RBFOX3: variants seen among roughly 807,000 people sequenced by gnomAD.
RBFOX3 encodes the protein RNA binding fox-1 homolog 3.
In RBFOX3, 17 loss-of-function variants were observed where a neutral mutation model predicts 48.7. That is an observed-to-expected ratio of 0.35 (90% CI 0.24 to 0.52). The LOEUF is 0.52. RBFOX3 is among the 20% of genes least tolerant of loss of function. The probability of loss-of-function intolerance (pLI) is 0.94; values close to 1 mark genes in which losing one functional copy is unlikely to be tolerated. For synonymous variants in RBFOX3, 212 were observed against 209.5 expected (o/e 1.01, Z -0.10); for missense variants, 382 against 497.5 (o/e 0.77, Z 2.21).
At chr17:79,225,781 T>G (rs1489108626) in intron 4 of RBFOX3, among the ~76,000 whole-genome samples, 1 of 152,240 alleles carries the variant, frequency 6.6e-6, no homozygotes, top group Non-Finnish European at 1.5e-5. Context: ...AGGTGCCAAC[T>G]GCAGGCTGGG....
At chr17:79,591,267 CAGAAGT>C (rs1444163678) in intron 1 of RBFOX3, among the ~76,000 whole-genome samples, 11 of 152,170 alleles carry the variant, frequency 7.2e-5, no homozygotes, top group Non-Finnish European at 1.6e-4. Context: ...GCCAAGGCTT[CAGAAGT>C]TACTGCTGGA....
intron 3 of RBFOX3, among the ~76,000 whole-genome samples, chr17:79,272,818 T>A (rs9897115): frequency 0.19 from 29,060 of 152,032 alleles, 2,923 homozygotes; most frequent in Non-Finnish European, 0.23. Context: ...AATCCTGCCC[T>A]CTTCCTCTCC....
chr17:79,289,163 G>A (rs909330603), intron 3 of RBFOX3, among the ~76,000 whole-genome samples: 2 of 152,186 alleles, frequency 1.3e-5, no homozygotes, highest in African/African-American at 4.8e-5. Context: ...GGGACACCAG[G>A]CCTCTCCAAT....
chr17:79,138,948 T>TGCACA (rs2041244289), intron 4 of RBFOX3, among the ~76,000 whole-genome samples: 2 of 31,936 alleles, frequency 6.3e-5, no homozygotes, highest in African/African-American at 2.3e-4. Context: ...CACACCCCCC[T>TGCACA]CAGCCCCACA....
chr17:79,545,589 C>CT (rs2090316175), intron 1 of RBFOX3, among the ~76,000 whole-genome samples: 1 of 152,160 alleles, frequency 6.6e-6, no homozygotes, highest in South Asian at 2.1e-4. Flanking sequence ...TCCAGGCAGC[C>CT]GATTGGTTCA....
chr17:79,407,157 G>A lies in RBFOX3; in HGVS notation c.-175+75297C>T, dbSNP rs550988535. On this transcript the variant is annotated intron_variant, in intron 2 of 14. Transcript: ENST00000693108. ...CAAGTAGCTGGGACTACAGGCACCC[G>A]CCGCCATGCCCGGCAATTTTTTGTA... 5.3e-5 allele frequency among the ~76,000 whole-genome samples: 8 copies of A among 152,326 alleles called. No homozygotes were observed. In the South Asian group the frequency reaches 1.2e-3, roughly 24 times the overall value.
In RBFOX3 at chr17:79,453,969, G is replaced by A. The variant is rs114677666; in HGVS notation, c.-175+28485C>T. On this transcript the variant is annotated intron_variant, in intron 2 of 14. Transcript: ENST00000693108. Reference sequence around the variant, plus strand: ...TGGACAGCAGGCCATGACCTGGGGCGGTGCTAGGTGCCATGTGCCCCCCAT... The same window carrying A: ...TGGACAGCAGGCCATGACCTGGGGCAGTGCTAGGTGCCATGTGCCCCCCAT... Among the ~76,000 whole-genome samples, 545 of 152,266 alleles carry A rather than the reference G, an allele frequency of 3.6e-3. 4 individuals are homozygous for A. The highest frequency in any genetic ancestry group is 0.013 in the African/African-American group (520 of 41,540).
At chr17:79,395,469 C>T (rs1041550512) in intron 2 of RBFOX3, among the ~76,000 whole-genome samples, 9 of 152,238 alleles carry the variant, frequency 5.9e-5, no homozygotes, top group Admixed American at 2.6e-4. Context: ...AGGTGACCCT[C>T]ACTGAGGCCA....
chr17:79,574,521 G>A (rs2092792040), intron 1 of RBFOX3, among the ~76,000 whole-genome samples: 1 of 152,178 alleles, frequency 6.6e-6, no homozygotes, highest in African/African-American at 2.4e-5. Flanking sequence ...AGCAACATCA[G>A]GAAGTTACCT....
At chr17:79,193,772 C>T (rs1300026812) in intron 4 of RBFOX3, among the ~76,000 whole-genome samples, 2 of 152,148 alleles carry the variant, frequency 1.3e-5, no homozygotes, top group Non-Finnish European at 2.9e-5. Context: ...GTCAATGGAG[C>T]CTTGAGTAGG....
the RBFOX3 span, among the ~76,000 whole-genome samples, chr17:79,662,883 G>T: frequency 1.3e-5 from 2 of 152,152 alleles, no homozygotes; most frequent in Admixed American, 1.3e-4. Context: ...CAATCCAGCC[G>T]GCTGTTCACT....
intron 2 of RBFOX3, among the ~76,000 whole-genome samples, chr17:79,396,582 T>C (rs929734620): frequency 1.3e-5 from 2 of 151,866 alleles, no homozygotes; most frequent in African/African-American, 4.8e-5. Flanking sequence ...ATGCCCACCC[T>C]GCTCTCTAAG....
intron 4 of RBFOX3, among the ~76,000 whole-genome samples, chr17:79,189,368 C>A (rs567698778): frequency 6.6e-6 from 1 of 152,176 alleles, no homozygotes; most frequent in African/African-American, 2.4e-5. Context: ...TTTATGGGAG[C>A]CCTTTTCTTC....
intron 2 of RBFOX3, among the ~76,000 whole-genome samples, chr17:79,379,206 C>T (rs1428036479): frequency 6.6e-6 from 1 of 152,178 alleles, no homozygotes; most frequent in Non-Finnish European, 1.5e-5. Flanking sequence ...TGTGGCTGCT[C>T]AGCTCCACGC....
chr17:79,571,208 T>C (rs1315750346), intron 1 of RBFOX3, among the ~76,000 whole-genome samples: 1 of 152,164 alleles, frequency 6.6e-6, no homozygotes, highest in Non-Finnish European at 1.5e-5. Context: ...CAGGGTCCCC[T>C]AGCATCTCTG....
Position 79,249,209 on chromosome 17 carries a change from G to T in RBFOX3, c.-73-13404C>A, listed in dbSNP as rs957457775. On this transcript the variant is annotated intron_variant, in intron 3 of 14. Coordinates refer to ENST00000693108, the MANE Select transcript of RBFOX3 (RefSeq NM_001350451.2). This position sits in a 1 kb window ranked among gnomAD's most constrained non-coding sequence, Gnocchi z 4.1. ...CTCAGGAACTGCTGCTTGCTGGGGC[G>T]TCGAAAGCCAAGCGCGCTCAGGTCT... is the stretch of plus-strand genomic sequence containing the variant. 1.3e-5 allele frequency among the ~76,000 whole-genome samples: 2 copies of T among 152,132 alleles called. No homozygotes were observed. Among genetic ancestry groups the T allele is most frequent in the South Asian group, 2.1e-4 (1 of 4,822 alleles).
At position 79,204,002 on chromosome 17, in the gene RBFOX3, G is replaced by A. The variant is rs1389331658; in HGVS notation, c.-34+31764C>T. Among the ~76,000 whole-genome samples, 4 of 152,170 alleles carry A rather than the reference G, an allele frequency of 2.6e-5. No homozygotes were observed. Among genetic ancestry groups the A allele is most frequent in the Non-Finnish European group, 5.9e-5 (4 of 68,026 alleles). On this transcript the variant is annotated intron_variant, in intron 4 of 14. Coordinates refer to ENST00000693108, the MANE Select transcript of RBFOX3 (RefSeq NM_001350451.2). This position sits in a 1 kb window ranked among gnomAD's most constrained non-coding sequence, Gnocchi z 4.5. ...CTTTGCACCCCTAAATTCCCTGAAC[G>A]CTCTGGGCTGGTGGAAGTGGCCCCT... is the stretch of plus-strand genomic sequence containing the variant.
chr17:79,561,303 C>T (rs1044466878), intron 1 of RBFOX3, among the ~76,000 whole-genome samples: 2 of 152,158 alleles, frequency 1.3e-5, no homozygotes, highest in Admixed American at 1.3e-4. Context: ...AGAGCCCAGC[C>T]TTGCCAGGGC....
At position 79,220,598 on chromosome 17, in the gene RBFOX3, G is replaced by GGTGTGTGTGT. The variant is rs10641407; in HGVS notation, c.-34+15158_-34+15167dup. Among the ~76,000 whole-genome samples the GGTGTGTGTGT allele has an allele frequency of 6.6e-6, 1 of 150,654 alleles. No individual in the cohort carries two copies. Among genetic ancestry groups the GGTGTGTGTGT allele is most frequent in the African/African-American group, 2.4e-5 (1 of 40,982 alleles). On this transcript the variant is annotated intron_variant, in intron 4 of 14. Coordinates refer to ENST00000693108, the MANE Select transcript of RBFOX3 (RefSeq NM_001350451.2). The surrounding 1 kb of genome is among the most constrained non-coding windows in gnomAD (Gnocchi z 5.9). Reference sequence around the variant, plus strand: ...TCATCAAGCAGGGGACCCAGGGGAGGGTGTGTGTGTGTGTGTGTCGGGGGG... The same window carrying GGTGTGTGTGT: ...TCATCAAGCAGGGGACCCAGGGGAGGGTGTGTGTGTGTGTGTGTGTGTGTGTGTCGGGGGG...
Sources: gnomAD v4.1 joint callset for allele counts (sites outside exome capture counted in the v4.1 genomes callset) on GRCh38, gnomAD v4.1.1 for gene constraint, Gnocchi (gnomAD v3.1) non-coding constraint, MANE v1.5 for transcripts, NCBI Gene and HGNC (gene_info 2026-07-23, HGNC 2026-07-21) for gene names.